Variants in WASF3 observed in about 807,000 individuals in gnomAD.
WASF3 encodes WASP family member 3.
Under a neutral mutation model 46.6 loss-of-function variants are expected in WASF3, and 11 were observed. That is an observed-to-expected ratio of 0.24 (90% CI 0.15 to 0.39). The LOEUF (loss-of-function observed/expected upper bound fraction) is 0.39, where lower values mean the gene tolerates loss of function less well. Among genes scored for constraint, WASF3 ranks in the 10% least tolerant of loss-of-function variants. The pLI, the probability that WASF3 is intolerant of heterozygous loss-of-function variation, is 1.00. For missense variants in WASF3, 576 were observed against 669.8 expected (o/e 0.86, Z 1.55); for synonymous variants, 242 against 259.7 (o/e 0.93, Z 0.65).
upstream of WASF3, among the ~76,000 whole-genome samples, chr13:26,554,079 C>CTTTTT (rs1227344776): frequency 9.0e-6 from 1 of 111,062 alleles, no homozygotes. Context: ...TTCCTTCCTT[C>CTTTTT]CTTCCTTCCT....
intron 3 of WASF3, among the ~76,000 whole-genome samples, chr13:26,662,113 G>T (rs968132612): frequency 2.0e-5 from 3 of 152,228 alleles, no homozygotes; most frequent in Admixed American, 6.5e-5. Flanking sequence ...GGTGCGGCCA[G>T]TTAGAAAGGC....
chr13:26,653,175 C>T (rs762534699), intron 3 of WASF3, among the ~76,000 whole-genome samples: 5 of 152,198 alleles, frequency 3.3e-5, no homozygotes, highest in Admixed American at 6.5e-5. Context: ...CCTATCCATG[C>T]TGTCTCCTCC....
intron 1 of WASF3, among the ~76,000 whole-genome samples, chr13:26,575,048 G>A (rs1397398121): frequency 2.0e-5 from 3 of 152,090 alleles, no homozygotes; most frequent in African/African-American, 7.2e-5. Context: ...GTGTTAGCCA[G>A]GATGGTCTCG....
the WASF3 span, among the ~76,000 whole-genome samples, chr13:26,539,459 G>C: frequency 2.6e-5 from 4 of 152,184 alleles, no homozygotes; most frequent in East Asian, 3.9e-4. Flanking sequence ...TCCTTAGCTG[G>C]GTTTTAGGGG....
intron 2 of WASF3, among the ~76,000 whole-genome samples, chr13:26,627,391 G>A (rs983636895): frequency 3.3e-5 from 5 of 152,070 alleles, no homozygotes; most frequent in Admixed American, 6.6e-5. Context: ...TAAAATCAGA[G>A]GTGGGGTGTA....
chr13:26,574,840 C>CT lies in WASF3; in HGVS notation c.-109+17035dup, dbSNP rs546925714. On this transcript the variant is annotated intron_variant, in intron 1 of 9. Transcript: ENST00000335327. ...TACTTTTGTAGTACCTTAACCCCTT[C>CT]TTTTTTTTTTTTTTGAGATGGAGTC... is the stretch of plus-strand genomic sequence containing the variant. Among the ~76,000 whole-genome samples, 607 of 142,338 alleles carry CT rather than the reference C, an allele frequency of 4.3e-3. 4 individuals are homozygous for CT. The highest frequency in any genetic ancestry group is 0.014 in the East Asian group (68 of 4,938). 93.4% of individuals were successfully genotyped at this position (142,338 alleles called of 152,430 possible). A position where few individuals can be genotyped will look rare whatever the true frequency, so the allele number is the denominator to read the frequency against.
intron 1 of WASF3, among the ~76,000 whole-genome samples, chr13:26,596,217 A>C (rs1341168716): frequency 6.8e-6 from 1 of 147,200 alleles, no homozygotes; most frequent in South Asian, 2.1e-4. Flanking sequence ...TTTAATTTGC[A>C]TTCTTCTAAT....
At chr13:26,592,590 GTC>G (rs1880337228) in intron 1 of WASF3, among the ~76,000 whole-genome samples, 1 of 151,970 alleles carries the variant, frequency 6.6e-6, no homozygotes, top group African/African-American at 2.4e-5. Flanking sequence ...AAGGCCATAG[GTC>G]CCATAGGATC....
intron 1 of WASF3, among the ~76,000 whole-genome samples, chr13:26,568,914 C>T (rs563796484): frequency 1.1e-4 from 16 of 152,216 alleles, no homozygotes; most frequent in African/African-American, 7.2e-5. Flanking sequence ...TTAAGCAAAC[C>T]GGTCTGCTGT....
At chr13:26,582,808 G>A (rs1880023837) in intron 1 of WASF3, among the ~76,000 whole-genome samples, 1 of 151,658 alleles carries the variant, frequency 6.6e-6, no homozygotes, top group African/African-American at 2.4e-5. Flanking sequence ...AACTGGCAGA[G>A]TAAAGAAAGC....
intron 1 of WASF3, among the ~76,000 whole-genome samples, chr13:26,579,972 A>T (rs1472593067): frequency 6.6e-6 from 1 of 152,130 alleles, no homozygotes; most frequent in East Asian, 1.9e-4. Flanking sequence ...CAAATTTGTA[A>T]ATTTTCTTAG....
intron 1 of WASF3, among the ~76,000 whole-genome samples, chr13:26,593,752 A>G (rs181264418): frequency 1.7e-4 from 26 of 152,356 alleles, no homozygotes; most frequent in African/African-American, 5.8e-4. Context: ...TCTTGCATAA[A>G]TAAATCCTAT....
chr13:26,684,367 C>T (rs1190099372), intron 9 of WASF3, among the ~76,000 whole-genome samples: 3 of 151,764 alleles, frequency 2.0e-5, no homozygotes, highest in Admixed American at 2.0e-4. Context: ...ACACCCAAAT[C>T]GACAGACATT....
intron 1 of WASF3, among the ~76,000 whole-genome samples, chr13:26,563,878 G>A (rs1000629050): frequency 1.3e-5 from 2 of 151,440 alleles, no homozygotes; most frequent in Non-Finnish European, 1.5e-5. Context: ...GGAGCTTCTA[G>A]GCCTTGGCTC....
At chr13:26,657,924 T>A (rs931516322) in intron 3 of WASF3, among the ~76,000 whole-genome samples, 1 of 152,238 alleles carries the variant, frequency 6.6e-6, no homozygotes, top group Admixed American at 6.5e-5. Flanking sequence ...GTCTCTAAAT[T>A]TTATGTCCCT....
intron 3 of WASF3, among the ~76,000 whole-genome samples, chr13:26,662,644 T>G (rs1195811446): frequency 6.6e-6 from 1 of 152,160 alleles, no homozygotes; most frequent in African/African-American, 2.4e-5. Context: ...TGGGGACTAC[T>G]GGATGGGGAG....
intron 1 of WASF3, among the ~76,000 whole-genome samples, chr13:26,569,170 C>A (rs1236714554): frequency 6.6e-6 from 1 of 152,090 alleles, no homozygotes; most frequent in Non-Finnish European, 1.5e-5. Flanking sequence ...AATAAAATCA[C>A]AATCATAGAG....
chr13:26,612,038 C>T (rs1484954249), intron 1 of WASF3, among the ~76,000 whole-genome samples: 1 of 152,112 alleles, frequency 6.6e-6, no homozygotes, highest in African/African-American at 2.4e-5. Context: ...TGCCTCCCAC[C>T]CTTGTTTGAC....
chr13:26,580,571 T>A (rs1879946593), intron 1 of WASF3, among the ~76,000 whole-genome samples: 1 of 152,116 alleles, frequency 6.6e-6, no homozygotes, highest in Non-Finnish European at 1.5e-5. Flanking sequence ...TTTTGGGGGC[T>A]GCCTAATTCT....
Sources: gnomAD v4.1 joint callset for allele counts (sites outside exome capture counted in the v4.1 genomes callset) on GRCh38, gnomAD v4.1.1 for gene constraint, MANE v1.5 for transcripts, NCBI Gene and HGNC (gene_info 2026-07-23, HGNC 2026-07-21) for gene names.